Variants in MCTS1 observed in about 807,000 individuals in gnomAD.
The protein encoded by MCTS1 is MCTS1 re-initiation and release factor.
For synonymous variants in MCTS1, 26 were observed against 40.8 expected (o/e 0.64, Z 1.38); for missense variants, 55 against 128.6 (o/e 0.43, Z 2.77).
chrX:120,611,124 C>T, intron 5 of MCTS1, 46 bp downstream of exon 5: 1 of 1,112,196 alleles, frequency 9.0e-7, no homozygotes, highest in Middle Eastern at 2.4e-4. Context: ...TATGGGTAAC[C>T]AACCCAGGAA....
At chrX:120,607,262 G>A (rs1178162185) in intron 3 of MCTS1, among the ~76,000 whole-genome samples, 2 of 111,372 alleles carry the variant, frequency 1.8e-5, no homozygotes, top group Non-Finnish European at 3.8e-5. Context: ...CCTTTATACA[G>A]CGTGTAATGA....
At chrX:120,606,257 T>A (rs1926528171) in intron 3 of MCTS1, 81 bp downstream of exon 3, 1 of 530,383 alleles carries the variant, frequency 1.9e-6, no homozygotes. Context: ...GAAATATGCA[T>A]TTAATCAGAT....
rs932833734 is a variant in MCTS1 at position 120,615,750 on chromosome X, C to T, written c.*3486C>T. On this transcript the variant is annotated 3_prime_UTR_variant, in exon 6 of 6. Transcript: ENST00000371317. ...AATGGCCTGATCAGTTCTCTTCTAG[C>T]AGACTGTCTGTTATGGTGGTTTGGT... Among the ~76,000 whole-genome samples the T allele has an allele frequency of 3.6e-5, 4 of 111,473 alleles. No individual in the cohort carries two copies. Among genetic ancestry groups the T allele is most frequent in the African/African-American group, 1.3e-4 (4 of 30,701 alleles).
At position 120,617,416 on chromosome X, in the gene MCTS1, T is replaced by C. The variant is rs1269476466; in HGVS notation, c.*5152T>C. Among the ~76,000 whole-genome samples, 2 of 111,573 alleles carry C rather than the reference T, an allele frequency of 1.8e-5. No individual in the cohort carries two copies. The highest frequency in any genetic ancestry group is 6.5e-5 in the African/African-American group (2 of 30,658). Reference sequence around the variant, plus strand: ...CATGTTGGCCAGGCTGGTCTCAAACTCCTGACCTCAGGTGATGCACCCGCC... The same window carrying C: ...CATGTTGGCCAGGCTGGTCTCAAACCCCTGACCTCAGGTGATGCACCCGCC... On this transcript the variant is annotated 3_prime_UTR_variant, in exon 6 of 6. Coordinates refer to ENST00000371317, the MANE Select transcript of MCTS1 (RefSeq NM_014060.3).
chrX:120,617,960 C>T lies in MCTS1; in HGVS notation c.*5696C>T, dbSNP rs1569406713. ...TTTTGGTTCATGGGAAGCCATACTG[C>T]GGTGGCTTCCAAGGTTGGCCAACCT... On this transcript the variant is annotated 3_prime_UTR_variant, in exon 6 of 6. Coordinates refer to ENST00000371317, the MANE Select transcript of MCTS1 (RefSeq NM_014060.3). Among the ~76,000 whole-genome samples, 2 of 112,396 alleles carry T rather than the reference C, an allele frequency of 1.8e-5. No homozygotes were observed. The highest frequency in any genetic ancestry group is 3.2e-5 in the African/African-American group (1 of 30,952).
In MCTS1 at chrX:120,619,999, A is replaced by C. The variant is rs937250566; in HGVS notation, c.*7735A>C. ...GTAGAGTGTAATGTGCAAAAGCAGG[A>C]CTAGCAGTTGCTTTGAAGATATCTG... On this transcript the variant is annotated 3_prime_UTR_variant, in exon 6 of 6. Coordinates refer to ENST00000371317, the MANE Select transcript of MCTS1 (RefSeq NM_014060.3). Among the ~76,000 whole-genome samples, 2 of 112,083 alleles carry C rather than the reference A, an allele frequency of 1.8e-5. No individual in the cohort carries two copies. Among genetic ancestry groups the C allele is most frequent in the Non-Finnish European group, 3.8e-5 (2 of 53,260 alleles).
At position 120,612,507 on chromosome X, in the gene MCTS1, T is replaced by A. The variant is rs1317114785; in HGVS notation, c.*243T>A. 3.4e-6 allele frequency: 1 copy of A among 292,352 alleles called. No homozygotes were observed. The highest frequency in any genetic ancestry group is 6.0e-6 in the Non-Finnish European group (1 of 166,003). The allele number at this position is 292,352 out of a possible 1,213,427, so 24.1% of individuals were successfully genotyped here. The stretch of plus-strand genomic sequence containing the variant: ...AAACTCATACAACTAATGTCCTTTC[T>A]TAGGCTAATGATATAAGAGTGAAGA... On this transcript the variant is annotated 3_prime_UTR_variant, in exon 6 of 6. Coordinates refer to ENST00000371317, the MANE Select transcript of MCTS1 (RefSeq NM_014060.3).
chrX:120,610,461 A>G (rs900884629), intron 4 of MCTS1, among the ~76,000 whole-genome samples: 10 of 110,756 alleles, frequency 9.0e-5, no homozygotes, highest in African/African-American at 3.0e-4. Context: ...AAAAATACAA[A>G]AATTAGCTGG....
intron 1 of MCTS1, chrX:120,604,495 T>C (rs989577212): frequency 1.9e-6 from 1 of 539,203 alleles, no homozygotes; most frequent in African/African-American, 2.4e-5. Flanking sequence ...TCTTTCTCTT[T>C]TGCCCCCTCC....
Position 120,607,107 on chromosome X carries a change from A to T in MCTS1, c.262+931A>T, listed in dbSNP as rs762605795. ...GATGTGTGTAAATGCATTTTTTTTT[A>T]AAATTGGGCTCTCTGTTACATAGTT... is the stretch of plus-strand genomic sequence containing the variant. On this transcript the variant is annotated intron_variant, in intron 3 of 5. Coordinates refer to ENST00000371317, the MANE Select transcript of MCTS1 (RefSeq NM_014060.3). Among the ~76,000 whole-genome samples the T allele has an allele frequency of 3.9e-4, 41 of 104,977 alleles. No individual in the cohort carries two copies. The South Asian group carries it at 4.5e-3, about 12-fold the overall frequency. The allele number at this position is 104,977 out of a possible 115,157, so 91.2% of individuals were successfully genotyped here. A position where few individuals can be genotyped will look rare whatever the true frequency, so the allele number is the denominator to read the frequency against.
Position 120,607,581 on chromosome X carries a change from C to G in MCTS1, c.263-644C>G, listed in dbSNP as rs1261780211. Among the ~76,000 whole-genome samples the G allele has an allele frequency of 4.5e-5, 5 of 111,073 alleles. No individual in the cohort carries two copies. In the East Asian group the frequency reaches 1.4e-3, roughly 31 times the overall value. On this transcript the variant is annotated intron_variant, in intron 3 of 5. Transcript: ENST00000371317. The stretch of plus-strand genomic sequence containing the variant: ...CCAGTTCAGATTCCCCTATGAATAA[C>G]ATCTTGTTTTGGAATGATACATTTG...
intron 4 of MCTS1, 83 bp from the exon 5 acceptor site, chrX:120,610,928 A>G: frequency 9.7e-7 from 1 of 1,030,609 alleles, no homozygotes; most frequent in South Asian, 1.9e-5. Flanking sequence ...AACTAGTAAC[A>G]TGATCATTAT....
In MCTS1 at chrX:120,616,116, A is replaced by C. The variant is rs1269881648; in HGVS notation, c.*3852A>C. Among the ~76,000 whole-genome samples, 1 of 112,757 alleles carries C rather than the reference A, an allele frequency of 8.9e-6. No individual in the cohort carries two copies. ...CAATTATATATTAATGGAAATATGA[A>C]TGTATGCCCAAGCAAAATGTCATAA... On this transcript the variant is annotated 3_prime_UTR_variant, in exon 6 of 6. Transcript: ENST00000371317.
chrX:120,609,503 T>G (rs772116987), intron 4 of MCTS1, among the ~76,000 whole-genome samples: 3 of 109,681 alleles, frequency 2.7e-5, no homozygotes, highest in Non-Finnish European at 5.7e-5. Context: ...TTAAGAAGAA[T>G]AAGAAAAAAA....
rs987325285 is a variant in MCTS1, at chrX:120,612,744, A to G, written c.*480A>G. On this transcript the variant is annotated 3_prime_UTR_variant, in exon 6 of 6. Coordinates refer to ENST00000371317, the MANE Select transcript of MCTS1 (RefSeq NM_014060.3). ...GATTGTTTTTTTAAAAAAAACTTCA[A>G]TGGAAAATTCTAAACATATTAAGAA... 6.5e-5 allele frequency among the ~76,000 whole-genome samples: 7 copies of G among 107,605 alleles called. No homozygotes were observed. The highest frequency in any genetic ancestry group is 1.2e-4 in the Non-Finnish European group (6 of 52,135). 93.4% of individuals were successfully genotyped at this position (107,605 alleles called of 115,157 possible). A position where few individuals can be genotyped will look rare whatever the true frequency, so the allele number is the denominator to read the frequency against.
chrX:120,617,144 CAGAA>C lies in MCTS1; in HGVS notation c.*4883_*4886del, dbSNP rs781157331. Among the ~76,000 whole-genome samples the C allele has an allele frequency of 8.9e-6, 1 of 112,147 alleles. No homozygotes were observed. Among genetic ancestry groups the C allele is most frequent in the Non-Finnish European group, 1.9e-5 (1 of 53,206 alleles). On this transcript the variant is annotated 3_prime_UTR_variant, in exon 6 of 6. Coordinates refer to ENST00000371317, the MANE Select transcript of MCTS1 (RefSeq NM_014060.3). ...AAATTGGTTTATCTTTAGGCAGAAA[CAGAA>C]AGCAAAAAATTAAACTCATCCAACT...
rs1926878673 is a variant in MCTS1 at position 120,617,152 on chromosome X, A to C, written c.*4888A>C. Reference sequence around the variant, plus strand: ...TTATCTTTAGGCAGAAACAGAAAGCAAAAAATTAAACTCATCCAACTCATA... The same window carrying C: ...TTATCTTTAGGCAGAAACAGAAAGCCAAAAATTAAACTCATCCAACTCATA... On this transcript the variant is annotated 3_prime_UTR_variant, in exon 6 of 6. Coordinates refer to ENST00000371317, the MANE Select transcript of MCTS1 (RefSeq NM_014060.3). Among the ~76,000 whole-genome samples, 1 of 112,290 alleles carries C rather than the reference A, an allele frequency of 8.9e-6. No homozygotes were observed. The highest frequency in any genetic ancestry group is 9.4e-5 in the Admixed American group (1 of 10,613).
intron 1 of MCTS1, chrX:120,604,942 AAATC>A: frequency 9.4e-7 from 1 of 1,064,839 alleles, no homozygotes; most frequent in African/African-American, 1.9e-5. Context: ...CACTTAAAAA[AAATC>A]TCAGCAGATT....
Position 120,617,763 on chromosome X carries a change from C to T in MCTS1, c.*5499C>T, listed in dbSNP as rs1265408427. ...AGACTCGATTGTCAATAACTGTTAA[C>T]GTCCATTTAATAATCTATGGTGAAA... On this transcript the variant is annotated 3_prime_UTR_variant, in exon 6 of 6. Transcript: ENST00000371317. Among the ~76,000 whole-genome samples the T allele has an allele frequency of 3.6e-5, 4 of 112,106 alleles. No homozygotes were observed. Among genetic ancestry groups the T allele is most frequent in the Non-Finnish European group, 5.6e-5 (3 of 53,240 alleles).
Sources: gnomAD v4.1 joint callset for allele counts (sites outside exome capture counted in the v4.1 genomes callset) on GRCh38, gnomAD v4.1.1 for gene constraint, MANE v1.5 for transcripts, NCBI Gene and HGNC (gene_info 2026-07-23, HGNC 2026-07-21) for gene names.